Variants in NRXN3 observed in about 807,000 individuals in gnomAD.
NRXN3 encodes the protein neurexin III.
NRXN3 carries 32 observed loss-of-function variants against 137.6 expected under a neutral mutation model. The observed-to-expected ratio is 0.23, with a 90% CI of 0.18 to 0.31. The LOEUF (loss-of-function observed/expected upper bound fraction) is 0.31. Among genes scored for constraint, NRXN3 ranks in the 10% least tolerant of loss-of-function variants. The pLI is 1.00. For synonymous variants in NRXN3, 798 were observed against 784.5 expected, an observed-to-expected ratio of 1.02 and a Z score of -0.29; for missense variants, 1,574 against 2,062.5, an observed-to-expected ratio of 0.76 and a Z score of 4.59.
chr14:79,028,323 G>A (rs1046939418), intron 15 of NRXN3, among the ~76,000 whole-genome samples: 7 of 152,128 alleles, frequency 4.6e-5, no homozygotes, highest in Non-Finnish European at 1.0e-4. Context: ...ACAGCGCTAA[G>A]TGGTCTACTT....
intron 19 of NRXN3, among the ~76,000 whole-genome samples, chr14:79,726,676 A>C (rs2098891477): frequency 6.6e-6 from 1 of 152,172 alleles, no homozygotes; most frequent in Admixed American, 6.6e-5. Flanking sequence ...TTATTTCCCC[A>C]GTTTACAGAT....
intron 17 of NRXN3, among the ~76,000 whole-genome samples, chr14:79,684,672 C>T (rs932661370): frequency 1.3e-5 from 2 of 152,172 alleles, no homozygotes; most frequent in African/African-American, 4.8e-5. Flanking sequence ...GTCCTCTGAG[C>T]TGTGTGGGGA....
At chr14:78,661,913 A>T (rs2097845094) in intron 6 of NRXN3, among the ~76,000 whole-genome samples, 2 of 148,188 alleles carry the variant, frequency 1.3e-5, no homozygotes, top group Admixed American at 1.3e-4. Context: ...TTTCTGAGAC[A>T]GTGTCTTGCT....
chr14:78,567,016 C>T (rs1027607928), intron 4 of NRXN3, among the ~76,000 whole-genome samples: 1 of 152,156 alleles, frequency 6.6e-6, no homozygotes, highest in African/African-American at 2.4e-5. Context: ...CTCCTGGCTC[C>T]TCTTTACCTG....
intron 4 of NRXN3, among the ~76,000 whole-genome samples, chr14:78,482,431 T>G (rs907907866): frequency 2.0e-5 from 3 of 152,190 alleles, no homozygotes; most frequent in Non-Finnish European, 4.4e-5. Flanking sequence ...ATGCTTTGTT[T>G]GAGTCCTCAA....
At chr14:79,604,474 A>T (rs2097972863) in intron 16 of NRXN3, among the ~76,000 whole-genome samples, 1 of 150,522 alleles carries the variant, frequency 6.6e-6, no homozygotes, top group Non-Finnish European at 1.5e-5. Context: ...ACCTCAGGTG[A>T]TCCACCCGCC....
chr14:78,178,075 T>G (rs1378572271), intron 1 of NRXN3, among the ~76,000 whole-genome samples: 1 of 152,236 alleles, frequency 6.6e-6, no homozygotes, highest in African/African-American at 2.4e-5. Flanking sequence ...ACAAATGAAG[T>G]AACTGAAGCC....
intron 8 of NRXN3, among the ~76,000 whole-genome samples, chr14:78,781,199 A>G (rs912109188): frequency 1.3e-5 from 2 of 152,328 alleles, no homozygotes; most frequent in East Asian, 3.9e-4. Context: ...TAAAGCTTGT[A>G]AACATTTAAA....
chr14:78,495,692 G>A (rs953788537), intron 4 of NRXN3, among the ~76,000 whole-genome samples: 1 of 152,028 alleles, frequency 6.6e-6, no homozygotes, highest in African/African-American at 2.4e-5. Context: ...CTGTCATTTG[G>A]AGGTCATTTT....
At chr14:79,526,300 GCCTC>G (rs2097119577) in intron 16 of NRXN3, among the ~76,000 whole-genome samples, 2 of 152,102 alleles carry the variant, frequency 1.3e-5, no homozygotes, top group Non-Finnish European at 2.9e-5. Flanking sequence ...GCCTGCCTTG[GCCTC>G]CCAAAGTGCT....
intron 15 of NRXN3, among the ~76,000 whole-genome samples, chr14:79,284,887 A>T (rs2081994198): frequency 6.6e-6 from 1 of 152,256 alleles, no homozygotes; most frequent in Middle Eastern, 3.4e-3. Flanking sequence ...TGAATAATTC[A>T]TAGTGTTGGT....
At chr14:78,676,589 G>A (rs1342178527) in intron 6 of NRXN3, among the ~76,000 whole-genome samples, 1 of 152,160 alleles carries the variant, frequency 6.6e-6, no homozygotes, top group East Asian at 1.9e-4. Flanking sequence ...GAAGCAGCAA[G>A]TGCTGATATA....
At chr14:79,105,274 T>C (rs78729129) in intron 15 of NRXN3, among the ~76,000 whole-genome samples, 4,347 of 152,236 alleles carry the variant, frequency 0.029, 206 homozygotes, top group African/African-American at 0.099. Context: ...GCACAGGTAT[T>C]ATCTCTACAA....
chr14:79,110,119 T>G (rs2053209262), intron 15 of NRXN3, among the ~76,000 whole-genome samples: 1 of 152,184 alleles, frequency 6.6e-6, no homozygotes, highest in African/African-American at 2.4e-5. Flanking sequence ...TATGTTATAT[T>G]ATTTTAATTT....
chr14:79,252,624 T>C (rs1330816215), intron 15 of NRXN3, among the ~76,000 whole-genome samples: 1 of 152,090 alleles, frequency 6.6e-6, no homozygotes, highest in East Asian at 1.9e-4. Flanking sequence ...CTGTTTCAGA[T>C]CTAAGAGGGA....
chr14:78,398,995 A>C (rs1340058932), intron 4 of NRXN3, among the ~76,000 whole-genome samples: 1 of 152,128 alleles, frequency 6.6e-6, no homozygotes, highest in Non-Finnish European at 1.5e-5. Flanking sequence ...TCTTTCTGTG[A>C]TGTTTGGCTG....
At chr14:78,657,996 C>A (rs2097798474) in intron 6 of NRXN3, among the ~76,000 whole-genome samples, 1 of 152,148 alleles carries the variant, frequency 6.6e-6, no homozygotes, top group South Asian at 2.1e-4. Context: ...CATCTCCGTT[C>A]CGTTTTTCTC....
At chr14:79,483,014 T>C (rs542910344) in intron 16 of NRXN3, among the ~76,000 whole-genome samples, 1 of 152,366 alleles carries the variant, frequency 6.6e-6, no homozygotes, top group South Asian at 2.1e-4. Flanking sequence ...TTTTTCAAGC[T>C]GTGTGTGCAC....
At position 78,333,565 on chromosome 14, in the gene NRXN3, G is replaced by T. The variant is rs766230330; in HGVS notation, c.757+35705G>T. On this transcript the variant is annotated intron_variant, in intron 4 of 20. Transcript: ENST00000335750. ...GCTATAGTAGAAACAAAATAGATCC[G>T]AGAAAGGGGGATTTGGAATGTGGGT... Among the ~76,000 whole-genome samples, 7 of 152,246 alleles carry T rather than the reference G, an allele frequency of 4.6e-5. No homozygotes were observed. In the East Asian group the frequency reaches 9.7e-4, roughly 21 times the overall value.
Sources: gnomAD v4.1 joint callset for allele counts (sites outside exome capture counted in the v4.1 genomes callset) on GRCh38, gnomAD v4.1.1 for gene constraint, MANE v1.5 for transcripts, NCBI Gene and HGNC (gene_info 2026-07-23, HGNC 2026-07-21) for gene names.